Variants in CYP19A1 observed in about 807,000 individuals in gnomAD.
CYP19A1 encodes the protein cytochrome P450 family 19 subfamily A member 1.
A neutral mutation model predicts 44.4 loss-of-function variants in CYP19A1; 32 were observed. The observed-to-expected ratio is 0.72, with a 90% CI of 0.54 to 0.97. The LOEUF is 0.97. Ranked by LOEUF, CYP19A1 falls within the 50% of genes least tolerant of loss-of-function variation. The pLI is 0.00. For synonymous variants in CYP19A1, 212 were observed against 215.6 expected, an observed-to-expected ratio of 0.98 and a Z score of 0.14; for missense variants, 598 against 637.8, an observed-to-expected ratio of 0.94 and a Z score of 0.67.
At chr15:51,318,705 T>G (rs2141019854) in intron 1 of CYP19A1, 1 of 152,358 alleles carries the variant, frequency 6.6e-6, no homozygotes, top group East Asian at 1.9e-4. Context: ...GGCTGTTTCC[T>G]GGGATCAAGG....
chr15:51,249,230 C>G (rs1264265958), intron 1 of CYP19A1, among the ~76,000 whole-genome samples: 2 of 152,132 alleles, frequency 1.3e-5, no homozygotes, highest in Non-Finnish European at 2.9e-5. Flanking sequence ...TGTGAGCCAC[C>G]ATGTCCGACC....
intron 1 of CYP19A1, among the ~76,000 whole-genome samples, chr15:51,249,089 A>G (rs950443678): frequency 6.6e-6 from 1 of 151,832 alleles, no homozygotes; most frequent in South Asian, 2.1e-4. Context: ...ACAGGCACCC[A>G]CTACCACGCC....
chr15:51,242,959 A>G lies in CYP19A1; in HGVS notation c.-38-9T>C, dbSNP rs781434517. 8.5e-6 allele frequency: 12 copies of G among 1,416,200 alleles called. No homozygotes were observed. The East Asian group carries it at 2.7e-4, about 32-fold the overall frequency. 87.7% of individuals were successfully genotyped at this position (1,416,200 alleles called of 1,614,324 possible). A position where few individuals can be genotyped will look rare whatever the true frequency, so the allele number is the denominator to read the frequency against. ...GGGGGCAATTTAGAGTCCTGTGGAAATCAAAGGGACAGAAAAATTACAGAA... is the reference window on the plus strand; with the variant it reads ...GGGGGCAATTTAGAGTCCTGTGGAAGTCAAAGGGACAGAAAAATTACAGAA... On this transcript the variant is annotated splice_polypyrimidine_tract_variant and intron_variant, in intron 1 of 9. Transcript: ENST00000396402.
chr15:51,226,624 G>T (rs1195575090), intron 4 of CYP19A1, among the ~76,000 whole-genome samples: 1 of 152,190 alleles, frequency 6.6e-6, no homozygotes, highest in Non-Finnish European at 1.5e-5. Flanking sequence ...GCTGCTGGAG[G>T]GAAGGCTGTG....
intron 1 of CYP19A1, among the ~76,000 whole-genome samples, chr15:51,284,634 T>C (rs557580205): frequency 5.3e-5 from 8 of 152,238 alleles, no homozygotes; most frequent in Non-Finnish European, 7.3e-5. Flanking sequence ...AGACACTGCA[T>C]ATGTAATTGC....
At chr15:51,261,217 G>A (rs146488679) in intron 1 of CYP19A1, among the ~76,000 whole-genome samples, 32 of 152,230 alleles carry the variant, frequency 2.1e-4, no homozygotes, top group African/African-American at 6.7e-4. Context: ...AACACTCACC[G>A]CATGGCCCAA....
intron 1 of CYP19A1, among the ~76,000 whole-genome samples, chr15:51,331,048 T>C (rs1338330648): frequency 6.6e-6 from 1 of 152,014 alleles, no homozygotes; most frequent in Non-Finnish European, 1.5e-5. Context: ...TAAGGTTGTT[T>C]TGGAGTTGTA....
chr15:51,271,779 C>T (rs952025760), intron 1 of CYP19A1, among the ~76,000 whole-genome samples: 5 of 152,228 alleles, frequency 3.3e-5, no homozygotes, highest in African/African-American at 9.6e-5. Flanking sequence ...TTTCCAAAGA[C>T]TGATCTTCTA....
chr15:51,282,546 C>G (rs938424195), intron 1 of CYP19A1, among the ~76,000 whole-genome samples: 1 of 152,234 alleles, frequency 6.6e-6, no homozygotes, highest in African/African-American at 2.4e-5. Context: ...GTCTGGGCTT[C>G]CAGAGCTCAG....
chr15:51,300,472 A>T (rs2036089648), intron 1 of CYP19A1, among the ~76,000 whole-genome samples: 1 of 152,202 alleles, frequency 6.6e-6, no homozygotes, highest in Non-Finnish European at 1.5e-5. Flanking sequence ...GGTGTGATAG[A>T]GGTTTGAGTC....
intron 1 of CYP19A1, among the ~76,000 whole-genome samples, chr15:51,275,256 C>A: frequency 6.6e-6 from 1 of 152,222 alleles, no homozygotes; most frequent in Non-Finnish European, 1.5e-5. Flanking sequence ...CCTAAATGAG[C>A]ACCCACCTCT....
At chr15:51,222,562 C>CAGCCA (rs780811387) in intron 4 of CYP19A1, 37 bp from the exon 5 acceptor site, 121 of 1,560,804 alleles carry the variant, frequency 7.8e-5, no homozygotes, top group Non-Finnish European at 1.0e-4. Context: ...CCATCACGAA[C>CAGCCA]TCCAGGGCAC....
chr15:51,258,584 A>G (rs1275268601), intron 1 of CYP19A1, among the ~76,000 whole-genome samples: 2 of 152,136 alleles, frequency 1.3e-5, no homozygotes, highest in Non-Finnish European at 2.9e-5. Context: ...CTTCAGGAGG[A>G]TCCACTTTGG....
intron 1 of CYP19A1, among the ~76,000 whole-genome samples, chr15:51,337,106 C>T (rs183301586): frequency 1.3e-5 from 2 of 152,304 alleles, no homozygotes; most frequent in Admixed American, 6.5e-5. Flanking sequence ...TTCAAAAGTT[C>T]TGTTCCTCAA....
intron 1 of CYP19A1, among the ~76,000 whole-genome samples, chr15:51,331,142 A>G (rs1332421676): frequency 1.3e-5 from 2 of 152,042 alleles, no homozygotes. Context: ...AGGCAGATGG[A>G]GATCAAAACG....
At chr15:51,309,399 T>C (rs970309683) in intron 1 of CYP19A1, among the ~76,000 whole-genome samples, 5 of 152,252 alleles carry the variant, frequency 3.3e-5, no homozygotes, top group African/African-American at 1.2e-4. Context: ...AAAGATATGG[T>C]TAATCTGCTT....
intron 1 of CYP19A1, among the ~76,000 whole-genome samples, chr15:51,246,921 A>T (rs924797179): frequency 2.0e-5 from 3 of 151,926 alleles, no homozygotes; most frequent in African/African-American, 7.3e-5. Flanking sequence ...GGAGAAATGC[A>T]TTTTTTTCTC....
chr15:51,301,539 CTGCA>C (rs1018942509), intron 1 of CYP19A1, among the ~76,000 whole-genome samples: 1 of 152,212 alleles, frequency 6.6e-6, no homozygotes, highest in Admixed American at 6.5e-5. Context: ...GGCCAGAGCC[CTGCA>C]TACTGACCCC....
chr15:51,270,171 T>C (rs2035071479), intron 1 of CYP19A1, among the ~76,000 whole-genome samples: 1 of 137,942 alleles, frequency 7.2e-6, no homozygotes, highest in Admixed American at 7.2e-5. Context: ...GATTTATTCC[T>C]AAGTATTCTT....
Sources: gnomAD v4.1 joint callset for allele counts (sites outside exome capture counted in the v4.1 genomes callset) on GRCh38, gnomAD v4.1.1 for gene constraint, MANE v1.5 for transcripts, NCBI Gene and HGNC (gene_info 2026-07-23, HGNC 2026-07-21) for gene names.